CAPRIN1: variants seen among roughly 807,000 people sequenced by gnomAD.
CAPRIN1 encodes caprin-1.
A neutral mutation model predicts 100.9 loss-of-function variants in CAPRIN1; 29 were observed. That is an observed-to-expected ratio of 0.29 (90% CI 0.21 to 0.39). The LOEUF (loss-of-function observed/expected upper bound fraction) is 0.39, where lower values mean the gene tolerates loss of function less well. Ranked by LOEUF, CAPRIN1 falls within the 10% of genes least tolerant of loss-of-function variation. CAPRIN1 has a pLI of 1.00. For missense variants in CAPRIN1, 795 were observed against 876.7 expected, an observed-to-expected ratio of 0.91 and a Z score of 1.18; for synonymous variants, 338 against 307.5, an observed-to-expected ratio of 1.10 and a Z score of -1.04.
In CAPRIN1 at chr11:34,092,021, A is replaced by G; in HGVS notation, c.1670A>G (p.Glu557Gly). Residue 557 changes from glutamate to glycine, a missense_variant, in exon 15 of 19, where the codon GAA becomes GGA. Physicochemically the swap from Glu to Gly is moderately conservative, Grantham distance 98 (BLOSUM62 -2). Coordinates refer to ENST00000341394, the MANE Select transcript of CAPRIN1 (RefSeq NM_005898.5). ...TTTTCTAGTCAGCCTCACCAAGTAG[A>G]ACAAACAGAGCTTCAGCAAGAACAG... Reference protein sequence around the residue: ...QSFSSQPHQVEQTELQQEQLQ... With the variant: ...QSFSSQPHQVGQTELQQEQLQ... 6.2e-7 allele frequency: 1 copy of G among 1,614,140 alleles called. No homozygotes were observed. The highest frequency in any genetic ancestry group is 8.5e-7 in the Non-Finnish European group (1 of 1,179,996).
intron 18 of CAPRIN1, chr11:34,098,380 T>C (rs1230513361): frequency 1.0e-6 from 1 of 985,350 alleles, no homozygotes; most frequent in Non-Finnish European, 1.2e-6. Flanking sequence ...AGAGAGTTTT[T>C]TGTTTTTCTT....
chr11:34,096,893 A>T (rs745560459), intron 16 of CAPRIN1, among the ~76,000 whole-genome samples: 5 of 152,200 alleles, frequency 3.3e-5, no homozygotes, highest in Non-Finnish European at 5.9e-5. Context: ...ATGTCAAATT[A>T]ATGTCTACCA....
intron 11 of CAPRIN1, among the ~76,000 whole-genome samples, chr11:34,087,683 A>C (rs967839518): frequency 6.6e-6 from 1 of 152,204 alleles, no homozygotes; most frequent in African/African-American, 2.4e-5. Flanking sequence ...TGACACCTAC[A>C]AGAGAGCAAT....
intron 17 of CAPRIN1, 115 bp from the exon 18 acceptor site, chr11:34,097,583 C>A: frequency 8.9e-7 from 1 of 1,119,922 alleles, no homozygotes; most frequent in Non-Finnish European, 1.3e-6. Flanking sequence ...TAAACTGATA[C>A]TGAAGTGTCT....
At chr11:34,066,221 G>C (rs1331731950) in intron 2 of CAPRIN1, among the ~76,000 whole-genome samples, 1 of 152,080 alleles carries the variant, frequency 6.6e-6, no homozygotes. Flanking sequence ...AGCTCAGATG[G>C]TTTCCTCACC....
intron 2 of CAPRIN1, chr11:34,053,306 G>C (rs1850373514): frequency 4.0e-6 from 1 of 250,328 alleles, no homozygotes; most frequent in Non-Finnish European, 6.3e-6. Flanking sequence ...GTCCCCCCGA[G>C]CCTCAGGCTC....
At chr11:34,074,516 C>G (rs950258513) in intron 4 of CAPRIN1, among the ~76,000 whole-genome samples, 2 of 152,164 alleles carry the variant, frequency 1.3e-5, no homozygotes, top group Non-Finnish European at 2.9e-5. Flanking sequence ...TCTTTCTTAT[C>G]TTCTTTTGCT....
intron 4 of CAPRIN1, among the ~76,000 whole-genome samples, chr11:34,072,512 C>T (rs889880334): frequency 6.6e-6 from 1 of 152,046 alleles, no homozygotes; most frequent in African/African-American, 2.4e-5. Flanking sequence ...TAATGACTCA[C>T]AATTTAAACT....
rs376344367 is a variant in CAPRIN1, at chr11:34,053,237, C to T, written c.216+601C>T. ...TTTTGAATGGGTCTTCGATTTGCTA[C>T]CCCCGCGCCCATGCGATGGGCTCCC... On this transcript the variant is annotated intron_variant, in intron 2 of 18. Coordinates refer to ENST00000341394, the MANE Select transcript of CAPRIN1 (RefSeq NM_005898.5). 1,593 of 814,504 alleles carry T rather than the reference C, an allele frequency of 2.0e-3. 6 individuals carry two copies. The highest frequency in any genetic ancestry group is 2.2e-3 in the Non-Finnish European group (1,471 of 673,724). The allele number at this position is 814,504 out of a possible 1,614,324, so 50.5% of individuals were successfully genotyped here.
intron 11 of CAPRIN1, 34 bp downstream of exon 11, chr11:34,086,447 A>T (rs941475523): frequency 8.3e-7 from 1 of 1,206,308 alleles, no homozygotes; most frequent in African/African-American, 1.5e-5. Flanking sequence ...TGAGAGAGAA[A>T]TATAAGGCCA....
intron 2 of CAPRIN1, among the ~76,000 whole-genome samples, chr11:34,059,832 A>G (rs1850537504): frequency 6.9e-6 from 1 of 144,824 alleles, no homozygotes; most frequent in South Asian, 2.2e-4. Context: ...AGGGTTTTTT[A>G]CTTTTTACAG....
chr11:34,101,247 G>C lies in CAPRIN1; in HGVS notation c.*1880G>C, dbSNP rs1485917287. 1 of 152,196 alleles carries C rather than the reference G, an allele frequency of 6.6e-6. No individual in the cohort carries two copies. The highest frequency in any genetic ancestry group is 1.5e-5 in the Non-Finnish European group (1 of 68,018). The allele number at this position is 152,196 out of a possible 1,614,324, so 9.4% of individuals were successfully genotyped here. A position where few individuals can be genotyped will look rare whatever the true frequency, so the allele number is the denominator to read the frequency against. On this transcript the variant is annotated 3_prime_UTR_variant, in exon 19 of 19. Coordinates refer to ENST00000341394, the MANE Select transcript of CAPRIN1 (RefSeq NM_005898.5). ...TTTTTGCTAGCACCTCCCCTTGCGT[G>C]CTTTAAATGACATCTGCCTGGGATG...
chr11:34,052,072 G>A (rs911963965), intron 1 of CAPRIN1: 6 of 142,360 alleles, frequency 4.2e-5, no homozygotes, highest in African/African-American at 1.6e-4. Context: ...GGCAAAAGCC[G>A]GCCCTCCCCG....
chr11:34,059,745 G>T (rs1344232625), intron 2 of CAPRIN1, among the ~76,000 whole-genome samples: 1 of 152,122 alleles, frequency 6.6e-6, no homozygotes, highest in African/African-American at 2.4e-5. Context: ...TTAATCCATG[G>T]GGTTAGGGAG....
rs113798983 is a variant in CAPRIN1, at chr11:34,052,515, C to T, written c.95C>T (p.Ala32Val). The T allele has an allele frequency of 1.9e-6, 3 of 1,603,596 alleles. No homozygotes were observed. The highest frequency in any genetic ancestry group is 1.3e-5 in the African/African-American group (1 of 74,554). Residue 32 changes from alanine to valine, a missense_variant, in exon 2 of 19, where the codon GCC becomes GTC. By Grantham distance (64) the Ala-to-Val change is moderately conservative (BLOSUM62 0). This residue lies in a region of CAPRIN1 where 109 missense variants were observed against 86.6 expected (regional missense o/e 1.26). Transcript: ENST00000341394. ...TCCGGGAGTGAGGCGGCCGCGGGAG[C>T]CGGGGCCGCCGCGCCGGCTTCTCAG... is the stretch of plus-strand genomic sequence containing the variant. ...GSSGSEAAAG[A>V]GAAAPASQHP...
rs1565088122 is a variant in CAPRIN1, at chr11:34,071,891, G to A, written c.280-10G>A. On this transcript the variant is annotated splice_polypyrimidine_tract_variant and intron_variant, in intron 3 of 18. Coordinates refer to ENST00000341394, the MANE Select transcript of CAPRIN1 (RefSeq NM_005898.5). ...CTTTCCAGTAAAGTTTGGGTTCTTT[G>A]TCATTTTAGGATGCCGTTTCTAAGT... 2 of 1,610,392 alleles carry A rather than the reference G, an allele frequency of 1.2e-6. No individual in the cohort carries two copies. Among genetic ancestry groups the A allele is most frequent in the Non-Finnish European group, 1.7e-6 (2 of 1,177,764 alleles).
chr11:34,089,305 A>G (rs1851218039), intron 11 of CAPRIN1, 90 bp from the exon 12 acceptor site: 1 of 164,472 alleles, frequency 6.1e-6, no homozygotes, highest in African/African-American at 3.4e-5. Flanking sequence ...AAAAAAAAAA[A>G]AGCCTTTAAT....
intron 2 of CAPRIN1, among the ~76,000 whole-genome samples, chr11:34,067,750 T>C (rs1032028537): frequency 1.3e-5 from 2 of 152,146 alleles, no homozygotes; most frequent in Admixed American, 6.5e-5. Context: ...CCTTCTGCCT[T>C]GGCCTCCCAA....
chr11:34,086,410 C>G lies in CAPRIN1; in HGVS notation c.1228C>G (p.Pro410Ala), dbSNP rs771332542. 3.8e-6 allele frequency: 6 copies of G among 1,596,458 alleles called. No homozygotes were observed. Among genetic ancestry groups the G allele is most frequent in the Non-Finnish European group, 5.1e-6 (6 of 1,165,170 alleles). ...GGACATGCCCCAGCTGGTTTGCCCT[C>G]CAGGTTAGTAGTGGTACATTTTTAT... ...NMDMPQLVCP[P>A]VHSESRLAQP... Residue 410 changes from proline (P) to alanine (A), a missense_variant, in exon 11 of 19, where the codon CCA becomes GCA. By Grantham distance (27) the Pro-to-Ala change is conservative (BLOSUM62 -1). Transcript: ENST00000341394.
Sources: gnomAD v4.1 joint callset for allele counts (sites outside exome capture counted in the v4.1 genomes callset) on GRCh38, gnomAD v4.1.1 for gene constraint, gnomAD v4.1.1 regional missense constraint, MANE v1.5 for transcripts, NCBI Gene and HGNC (gene_info 2026-07-23, HGNC 2026-07-21) for gene names.